Variants in KHDRBS2 observed in about 807,000 individuals in gnomAD.
KHDRBS2 encodes the protein KH RNA binding domain containing, signal transduction associated 2, also known as KH domain-containing, RNA-binding, signal transduction-associated protein 2.
KHDRBS2 carries 26 observed loss-of-function variants against 44.3 expected under a neutral mutation model. The ratio of observed to expected loss-of-function variants is 0.59; its 90% CI spans 0.43 to 0.81. The LOEUF (loss-of-function observed/expected upper bound fraction) is 0.81, where lower values mean the gene tolerates loss of function less well. Among genes scored for constraint, KHDRBS2 ranks in the 40% least tolerant of loss-of-function variants. The pLI is 0.00. For synonymous variants in KHDRBS2, 194 were observed against 151.1 expected (o/e 1.28, Z -2.08); for missense variants, 476 against 433.1 (o/e 1.10, Z -0.88).
intron 7 of KHDRBS2, among the ~76,000 whole-genome samples, chr6:61,703,626 T>A (rs772979964): frequency 4.0e-5 from 6 of 151,888 alleles, no homozygotes; most frequent in Non-Finnish European, 5.9e-5. Context: ...TATCCACTTA[T>A]GTGTCTATCA....
At chr6:61,661,036 GAC>G in the KHDRBS2 span, among the ~76,000 whole-genome samples, 1 of 151,742 alleles carries the variant, frequency 6.6e-6, no homozygotes, top group African/African-American at 2.4e-5. Flanking sequence ...TGATGAATAA[GAC>G]ACACAGAAAT....
the KHDRBS2 span, among the ~76,000 whole-genome samples, chr6:61,592,950 T>G: frequency 6.6e-6 from 1 of 152,116 alleles, no homozygotes; most frequent in Non-Finnish European, 1.5e-5. Flanking sequence ...GCATTGCAGA[T>G]GAAAACACAA....
the KHDRBS2 span, among the ~76,000 whole-genome samples, chr6:61,609,380 A>G: frequency 1.3e-5 from 2 of 152,202 alleles, no homozygotes; most frequent in African/African-American, 2.4e-5. Context: ...TGACGACAAC[A>G]AAAACATTAA....
At chr6:61,777,269 C>T (rs1782217480) in intron 6 of KHDRBS2, among the ~76,000 whole-genome samples, 1 of 151,898 alleles carries the variant, frequency 6.6e-6, no homozygotes, top group African/African-American at 2.4e-5. Flanking sequence ...GCACATGTAC[C>T]CCAAAACTTA....
chr6:61,689,277 G>A (rs537054505), intron 8 of KHDRBS2, among the ~76,000 whole-genome samples: 1 of 151,940 alleles, frequency 6.6e-6, no homozygotes, highest in African/African-American at 2.4e-5. Context: ...GTACCCTTTT[G>A]CTATGATAAA....
intron 3 of KHDRBS2, among the ~76,000 whole-genome samples, chr6:61,997,555 T>C (rs550983822): frequency 3.9e-5 from 6 of 152,336 alleles, no homozygotes; most frequent in African/African-American, 1.4e-4. Flanking sequence ...AAGGGTGTGA[T>C]TGTCATTGCC....
intron 1 of KHDRBS2, among the ~76,000 whole-genome samples, chr6:62,246,102 T>TTATATATATATATA (rs150717074): frequency 6.4e-4 from 79 of 124,330 alleles, no homozygotes; most frequent in South Asian, 2.5e-3. Context: ...TCAATCAATT[T>TTATATATATATATA]TATATATATA....
chr6:62,225,855 A>G (rs891597231), intron 1 of KHDRBS2, among the ~76,000 whole-genome samples: 4 of 152,198 alleles, frequency 2.6e-5, no homozygotes, highest in African/African-American at 9.7e-5. Flanking sequence ...TGTCCCTACA[A>G]AAACCATGAT....
At chr6:61,773,087 G>A (rs1283146028) in intron 6 of KHDRBS2, among the ~76,000 whole-genome samples, 3 of 152,052 alleles carry the variant, frequency 2.0e-5, no homozygotes, top group Admixed American at 6.6e-5. Flanking sequence ...TGTGAATAGT[G>A]CCACAATAAA....
chr6:62,108,429 T>C (rs1317532537), intron 2 of KHDRBS2, among the ~76,000 whole-genome samples: 2 of 152,076 alleles, frequency 1.3e-5, no homozygotes, highest in Non-Finnish European at 2.9e-5. Flanking sequence ...ATGGCGATCA[T>C]TAAAAAGTCA....
Position 61,680,054 on chromosome 6 carries a change from GT to G in KHDRBS2, c.*908del, listed in dbSNP as rs1766156120. 1 of 152,028 alleles carries G rather than the reference GT, an allele frequency of 6.6e-6. No homozygotes were observed. Among genetic ancestry groups the G allele is most frequent in the African/African-American group, 2.4e-5 (1 of 41,398 alleles). The allele number at this position is 152,028 out of a possible 1,614,324, so 9.4% of individuals were successfully genotyped here. On this transcript the variant is annotated 3_prime_UTR_variant, in exon 9 of 9. Transcript: ENST00000281156. ...TAACCATGATTCATGTAACAGTTTA[GT>G]TTGTTAACTTTTAAATTATTTAACA...
chr6:61,594,253 A>AG, the KHDRBS2 span, among the ~76,000 whole-genome samples: 1 of 151,784 alleles, frequency 6.6e-6, no homozygotes, highest in Non-Finnish European at 1.5e-5. Context: ...TAAACAAAAA[A>AG]ATATAAAAAT....
At chr6:61,772,194 C>T (rs1009638794) in intron 6 of KHDRBS2, among the ~76,000 whole-genome samples, 2 of 152,172 alleles carry the variant, frequency 1.3e-5, no homozygotes, top group South Asian at 4.2e-4. Flanking sequence ...ATTTATAGCA[C>T]GAAATGTCCA....
At chr6:62,278,527 C>T (rs928285477) in intron 1 of KHDRBS2, among the ~76,000 whole-genome samples, 1 of 152,060 alleles carries the variant, frequency 6.6e-6, no homozygotes, top group Non-Finnish European at 1.5e-5. Flanking sequence ...TCCTATATAA[C>T]TAGTCAATGA....
chr6:61,552,398 C>G, the KHDRBS2 span, among the ~76,000 whole-genome samples: 3 of 152,082 alleles, frequency 2.0e-5, no homozygotes, highest in African/African-American at 7.2e-5. Flanking sequence ...TTTATCAGCT[C>G]AAGGAGCTTT....
At chr6:61,715,331 T>G (rs1388174671) in intron 7 of KHDRBS2, among the ~76,000 whole-genome samples, 2 of 151,930 alleles carry the variant, frequency 1.3e-5, no homozygotes, top group Non-Finnish European at 2.9e-5. Flanking sequence ...AAATTCTAGG[T>G]TTGATGATAA....
the KHDRBS2 span, among the ~76,000 whole-genome samples, chr6:61,615,248 A>AAAAG: frequency 1.3e-5 from 2 of 150,310 alleles, no homozygotes; most frequent in Non-Finnish European, 3.0e-5. Flanking sequence ...AAAAAAAAAA[A>AAAAG]AAAGAAAGAA....
intron 4 of KHDRBS2, among the ~76,000 whole-genome samples, chr6:61,964,052 T>C (rs1054049301): frequency 6.6e-6 from 1 of 152,046 alleles, no homozygotes; most frequent in Non-Finnish European, 1.5e-5. Context: ...TCTAAAGACA[T>C]GTACTTCTTT....
At chr6:62,013,619 G>A (rs1780696912) in intron 3 of KHDRBS2, among the ~76,000 whole-genome samples, 1 of 152,062 alleles carries the variant, frequency 6.6e-6, no homozygotes, top group South Asian at 2.1e-4. Flanking sequence ...AATGAGGCAA[G>A]TTGAGGATTA....
Sources: allele counts gnomAD v4.1 joint callset (sites outside exome capture counted in the v4.1 genomes callset), GRCh38; gene constraint gnomAD v4.1.1; transcripts MANE v1.5; gene names NCBI Gene and HGNC (gene_info 2026-07-23, HGNC 2026-07-21).